The following LRRC4C variants were observed in gnomAD, a reference collection of about 807,000 sequenced individuals.
The protein encoded by LRRC4C is leucine-rich repeat-containing protein 4C.
A neutral mutation model predicts 33.6 loss-of-function variants in LRRC4C; 5 were observed. The observed-to-expected ratio is 0.15, with a 90% CI of 0.08 to 0.31. The LOEUF (loss-of-function observed/expected upper bound fraction) is 0.31. Ranked by LOEUF, LRRC4C falls within the 10% of genes least tolerant of loss-of-function variation. The pLI, the probability that LRRC4C is intolerant of heterozygous loss-of-function variation, is 1.00. For synonymous variants in LRRC4C, 329 were observed against 302.0 expected, an observed-to-expected ratio of 1.09 and a Z score of -0.93; for missense variants, 560 against 796.7, an observed-to-expected ratio of 0.70 and a Z score of 3.58.
intron 5 of LRRC4C, among the ~76,000 whole-genome samples, chr11:40,228,950 A>C (rs772983651): frequency 6.6e-6 from 1 of 152,224 alleles, no homozygotes; most frequent in African/African-American, 2.4e-5. Flanking sequence ...CTGTTTGCCA[A>C]CAATGTCAGG....
intron 2 of LRRC4C, among the ~76,000 whole-genome samples, chr11:40,792,640 T>C (rs531904067): frequency 7.2e-5 from 11 of 152,238 alleles, no homozygotes; most frequent in African/African-American, 2.7e-4. Flanking sequence ...TTACTGGGTA[T>C]ATACCCAAAG....
At chr11:40,329,771 T>TTG (rs1946274014) in intron 3 of LRRC4C, among the ~76,000 whole-genome samples, 1 of 143,214 alleles carries the variant, frequency 7.0e-6, no homozygotes. Context: ...AGATGGAGTC[T>TTG]CAATCTGTCG....
rs142941401 is a variant in LRRC4C at position 40,954,322 on chromosome 11, T to C, written c.-495-20599A>G. Among the ~76,000 whole-genome samples, 13 of 152,002 alleles carry C rather than the reference T, an allele frequency of 8.6e-5. No individual in the cohort carries two copies. In the East Asian group the frequency reaches 2.5e-3, roughly 30 times the overall value. The stretch of plus-strand genomic sequence containing the variant: ...CAACAAAGAAACCTCTCCTGATAAC[T>C]AGTTTTCACAAATTTGGGAAATTAG... On this transcript the variant is annotated intron_variant, in intron 1 of 6. Coordinates refer to ENST00000528697, the MANE Select transcript of LRRC4C (RefSeq NM_001258419.2).
intron 2 of LRRC4C, among the ~76,000 whole-genome samples, chr11:40,873,215 A>G (rs1954735375): frequency 6.6e-6 from 1 of 152,170 alleles, no homozygotes; most frequent in African/African-American, 2.4e-5. Flanking sequence ...AATAAAAATA[A>G]TAACAACAAT....
chr11:40,928,582 C>T (rs1333557191), intron 2 of LRRC4C, among the ~76,000 whole-genome samples: 1 of 151,970 alleles, frequency 6.6e-6, no homozygotes, highest in Non-Finnish European at 1.5e-5. Flanking sequence ...TGGCCAGCAG[C>T]CTTCTTAAAG....
intron 1 of LRRC4C, among the ~76,000 whole-genome samples, chr11:41,394,348 A>C (rs1440793736): frequency 6.6e-6 from 1 of 151,956 alleles, no homozygotes; most frequent in Non-Finnish European, 1.5e-5. Flanking sequence ...AGGGGGACTT[A>C]ATCTAATTTG....
chr11:40,696,401 A>G (rs1243108308), intron 2 of LRRC4C, among the ~76,000 whole-genome samples: 4 of 113,000 alleles, frequency 3.5e-5, no homozygotes, highest in African/African-American at 7.9e-5. Flanking sequence ...ATGAGTATAC[A>G]CACCATATAT....
chr11:40,537,364 G>A (rs1956518430), intron 3 of LRRC4C, among the ~76,000 whole-genome samples: 1 of 152,158 alleles, frequency 6.6e-6, no homozygotes, highest in South Asian at 2.1e-4. Context: ...AACGGGGAGA[G>A]GCTGGGTATT....
In LRRC4C at chr11:40,272,426, A is replaced by G. The variant is rs534063559; in HGVS notation, c.-175-30828T>C. 7.9e-5 allele frequency among the ~76,000 whole-genome samples: 12 copies of G among 152,242 alleles called. No individual in the cohort carries two copies. In the South Asian group the frequency reaches 2.5e-3, roughly 32 times the overall value. ...ACATAAAATAGATAATAAGGCAGCT[A>G]TGAGTTCTGGCATTGTGGATACTCC... On this transcript the variant is annotated intron_variant, in intron 4 of 6. Coordinates refer to ENST00000528697, the MANE Select transcript of LRRC4C (RefSeq NM_001258419.2).
chr11:40,631,962 G>A (rs1963515048), intron 3 of LRRC4C, among the ~76,000 whole-genome samples: 1 of 152,118 alleles, frequency 6.6e-6, no homozygotes, highest in African/African-American at 2.4e-5. Context: ...TTTCCTAAAT[G>A]TTATGACATT....
rs1039468673 is a variant in LRRC4C, at chr11:41,457,990, C to T, written c.-496+1441G>A. 3.9e-5 allele frequency among the ~76,000 whole-genome samples: 6 copies of T among 152,036 alleles called. No homozygotes were observed. In the South Asian group the frequency reaches 8.3e-4, roughly 21 times the overall value. ...TTTGCTTGTTTTCTTTTTGTAACTC[C>T]TTTTTTTAAAAACAAATATATATAT... is the stretch of plus-strand genomic sequence containing the variant. On this transcript the variant is annotated intron_variant, in intron 1 of 6. Coordinates refer to ENST00000528697, the MANE Select transcript of LRRC4C (RefSeq NM_001258419.2).
At chr11:41,325,319 T>C (rs1029509126) in intron 1 of LRRC4C, among the ~76,000 whole-genome samples, 1 of 152,192 alleles carries the variant, frequency 6.6e-6, no homozygotes, top group African/African-American at 2.4e-5. Context: ...TATTGAAAAC[T>C]CACTTTTGTT....
rs541865571 is a variant in LRRC4C, at chr11:41,459,381, A to T, written c.-496+50T>A. On this transcript the variant is annotated intron_variant, in intron 1 of 6. Transcript: ENST00000528697. Reference sequence around the variant, plus strand: ...TTTCCGAAAACAAGCAGGAAAACACAAACATTGCAAGACAACAAGAACTGA... The same window carrying T: ...TTTCCGAAAACAAGCAGGAAAACACTAACATTGCAAGACAACAAGAACTGA... 4 of 152,278 alleles carry T rather than the reference A, an allele frequency of 2.6e-5. No individual in the cohort carries two copies. The South Asian group carries it at 8.3e-4, about 32-fold the overall frequency. 9.4% of individuals were successfully genotyped at this position (152,278 alleles called of 1,614,324 possible).
intron 2 of LRRC4C, among the ~76,000 whole-genome samples, chr11:40,851,663 C>T (rs796397202): frequency 2.2e-4 from 33 of 152,234 alleles, no homozygotes; most frequent in African/African-American, 7.7e-4. Flanking sequence ...AAACTGTTTC[C>T]CAGCTACTCA....
intron 1 of LRRC4C, among the ~76,000 whole-genome samples, chr11:41,292,088 T>C (rs994761054): frequency 2.6e-5 from 4 of 152,174 alleles, no homozygotes; most frequent in African/African-American, 9.7e-5. Context: ...AACTGAACTT[T>C]CCTGCTGTGT....
intron 2 of LRRC4C, among the ~76,000 whole-genome samples, chr11:40,702,282 T>C (rs188571005): frequency 1.3e-5 from 2 of 152,230 alleles, no homozygotes; most frequent in Admixed American, 1.3e-4. Context: ...AACAGGGCAC[T>C]CTAATTAGCT....
At chr11:40,157,244 T>C (rs1434955221) in intron 5 of LRRC4C, among the ~76,000 whole-genome samples, 1 of 152,146 alleles carries the variant, frequency 6.6e-6, no homozygotes, top group African/African-American at 2.4e-5. Context: ...TCTCTCACCT[T>C]ATACAAAAAT....
intron 3 of LRRC4C, among the ~76,000 whole-genome samples, chr11:40,460,199 T>C (rs1255450945): frequency 6.6e-6 from 1 of 152,130 alleles, no homozygotes; most frequent in African/African-American, 2.4e-5. Context: ...CTTTATATTA[T>C]ATTATTTGAG....
chr11:41,018,999 A>T (rs1855776380), intron 1 of LRRC4C, among the ~76,000 whole-genome samples: 1 of 152,026 alleles, frequency 6.6e-6, no homozygotes, highest in East Asian at 1.9e-4. Context: ...CCATCCCTCA[A>T]ATTGTCTAGT....
Sources: gnomAD v4.1 joint callset for allele counts (sites outside exome capture counted in the v4.1 genomes callset) on GRCh38, gnomAD v4.1.1 for gene constraint, MANE v1.5 for transcripts, NCBI Gene and HGNC (gene_info 2026-07-23, HGNC 2026-07-21) for gene names.